The following MTUS2 variants were observed in gnomAD, a reference collection of about 807,000 sequenced individuals.
The protein encoded by MTUS2 is microtubule associated scaffold protein 2.
MTUS2 carries 40 observed loss-of-function variants against 114.1 expected under a neutral mutation model. That is an observed-to-expected ratio of 0.35 (90% CI 0.27 to 0.46). The LOEUF (loss-of-function observed/expected upper bound fraction) is 0.46, where lower values mean the gene tolerates loss of function less well. Ranked by LOEUF, MTUS2 falls within the 20% of genes least tolerant of loss-of-function variation. The probability of loss-of-function intolerance (pLI) is 1.00; values close to 1 mark genes in which losing one functional copy is unlikely to be tolerated. For missense variants in MTUS2, 1,679 were observed against 1,705.4 expected (o/e 0.98, Z 0.27); for synonymous variants, 688 against 672.0 (o/e 1.02, Z -0.37).
At chr13:29,435,814 G>C (rs1212900634) in intron 8 of MTUS2, among the ~76,000 whole-genome samples, 2 of 152,238 alleles carry the variant, frequency 1.3e-5, no homozygotes, top group Non-Finnish European at 2.9e-5. Context: ...TGGAGGAAGG[G>C]CTGTCGCCAA....
chr13:29,244,983 T>TAAAAAAAAAAAAAAAA (rs1156962360), intron 5 of MTUS2, among the ~76,000 whole-genome samples: 3 of 98,566 alleles, frequency 3.0e-5, no homozygotes, highest in South Asian at 3.8e-4. Flanking sequence ...AAAAAAAAAG[T>TAAAAAAAAAAAAAAAA]AAAAGTCTGT....
chr13:29,339,108 G>C (rs182171925), intron 7 of MTUS2, among the ~76,000 whole-genome samples: 2 of 152,270 alleles, frequency 1.3e-5, no homozygotes, highest in African/African-American at 4.8e-5. Flanking sequence ...AGAGGTACAT[G>C]GTCCTCCCGG....
chr13:28,970,053 T>G (rs1374389494), intron 2 of MTUS2, among the ~76,000 whole-genome samples: 1 of 152,216 alleles, frequency 6.6e-6, no homozygotes, highest in Non-Finnish European at 1.5e-5. Flanking sequence ...GTGCGGGGAT[T>G]ACAGGTGTGA....
At chr13:28,914,318 G>T (rs1393336736) in intron 2 of MTUS2, among the ~76,000 whole-genome samples, 1 of 152,210 alleles carries the variant, frequency 6.6e-6, no homozygotes, top group East Asian at 1.9e-4. Context: ...TAGTTTTGAA[G>T]AACTTCTTGA....
intron 2 of MTUS2, among the ~76,000 whole-genome samples, chr13:28,860,769 C>T (rs1045447726): frequency 1.4e-4 from 21 of 152,178 alleles, no homozygotes; most frequent in African/African-American, 1.7e-4. Context: ...TGTCAACTCT[C>T]CTCCTGTCAC....
At chr13:29,091,500 T>TC (rs1889947088) in intron 4 of MTUS2, among the ~76,000 whole-genome samples, 1 of 79,848 alleles carries the variant, frequency 1.3e-5, no homozygotes, top group Non-Finnish European at 3.3e-5. Context: ...TGTTTCTTTT[T>TC]CCTTTTTTTC....
intron 2 of MTUS2, among the ~76,000 whole-genome samples, chr13:28,968,888 AAGT>A (rs1226116949): frequency 1.3e-5 from 2 of 152,344 alleles, no homozygotes; most frequent in East Asian, 3.8e-4. Flanking sequence ...ATGTAAATAA[AAGT>A]AAATGTGAAG....
Position 29,503,073 on chromosome 13 carries a change from A to C in MTUS2, c.3977A>C (p.Asn1326Thr). ...GAGAAGAAGAGATTGAGCCGAACCA[A>C]TGAAGAGCTGCTTTGGAAGCTCCAA... Reference protein sequence around the residue: ...TQEKKRLSRTNEELLWKLQTG... With the variant: ...TQEKKRLSRTTEELLWKLQTG... The change falls in exon 16 of 16, where the codon AAT (asparagine) becomes ACT (threonine). Residue 1326 changes from asparagine to threonine, a missense_variant. Physicochemically the swap from Asn to Thr is moderately conservative, Grantham distance 65. Transcript: ENST00000612955. 1 of 1,614,254 alleles carries C rather than the reference A, an allele frequency of 6.2e-7. No individual in the cohort carries two copies. The highest frequency in any genetic ancestry group is 8.5e-7 in the Non-Finnish European group (1 of 1,180,044).
intron 8 of MTUS2, among the ~76,000 whole-genome samples, chr13:29,370,843 A>G (rs1871131790): frequency 6.6e-6 from 1 of 152,236 alleles, no homozygotes; most frequent in Admixed American, 6.5e-5. Flanking sequence ...AGAAACATAC[A>G]CCATGCTAAC....
intron 2 of MTUS2, among the ~76,000 whole-genome samples, chr13:28,953,835 G>A (rs1274966623): frequency 6.6e-6 from 1 of 152,070 alleles, no homozygotes; most frequent in Non-Finnish European, 1.5e-5. Context: ...CAAGTAAGAG[G>A]ACCAAATTAA....
At chr13:29,169,736 A>G (rs1893473815) in intron 5 of MTUS2, among the ~76,000 whole-genome samples, 1 of 152,208 alleles carries the variant, frequency 6.6e-6, no homozygotes, top group African/African-American at 2.4e-5. Flanking sequence ...TGAGCGCTTA[A>G]GGATTTTTCC....
chr13:29,307,121 G>A (rs1899506627), intron 6 of MTUS2: 7 of 475,562 alleles, frequency 1.5e-5, no homozygotes, highest in South Asian at 1.2e-4. Context: ...TTGCAGGGAG[G>A]AGCCAAAAGG....
In MTUS2 at chr13:29,503,993, A is replaced by G. The variant is rs1005810888; in HGVS notation, c.*787A>G. The G allele has an allele frequency of 2.3e-4, 53 of 230,278 alleles. No individual in the cohort carries two copies. The highest frequency in any genetic ancestry group is 2.8e-4 in the Admixed American group (5 of 17,720). 14.3% of individuals were successfully genotyped at this position (230,278 alleles called of 1,614,324 possible). On this transcript the variant is annotated 3_prime_UTR_variant, in exon 16 of 16. Coordinates refer to ENST00000612955, the MANE Select transcript of MTUS2 (RefSeq NM_001033602.4). ...CAGTTTTGCAGATGTTACCCATGAC[A>G]GTGACTCATCTCTGATAGTCTTGTA...
chr13:29,296,108 G>C (rs558823776), intron 6 of MTUS2, among the ~76,000 whole-genome samples: 1 of 152,324 alleles, frequency 6.6e-6, no homozygotes, highest in Admixed American at 6.5e-5. Flanking sequence ...TGGGAGTGCA[G>C]ATATCTCTTG....
chr13:28,821,332 T>C (rs1873885496), intron 1 of MTUS2, among the ~76,000 whole-genome samples: 1 of 152,286 alleles, frequency 6.6e-6, no homozygotes, highest in Middle Eastern at 3.4e-3. Flanking sequence ...CATTAAAAAA[T>C]TGGTTTTGTA....
intron 5 of MTUS2, among the ~76,000 whole-genome samples, chr13:29,250,765 T>G (rs1897096597): frequency 6.6e-6 from 1 of 152,176 alleles, no homozygotes; most frequent in Non-Finnish European, 1.5e-5. Context: ...TTTACAAATT[T>G]AACATTATGG....
chr13:29,482,498 C>G (rs1881268286), intron 10 of MTUS2: 1 of 152,216 alleles, frequency 6.6e-6, no homozygotes. Context: ...GTTCATGATC[C>G]TTTATGATAG....
intron 1 of MTUS2, among the ~76,000 whole-genome samples, chr13:28,825,928 G>T (rs1593224614): frequency 6.6e-6 from 1 of 152,276 alleles, no homozygotes; most frequent in East Asian, 1.9e-4. Context: ...TCTTCTCTGT[G>T]CCTGTCATGA....
chr13:29,203,274 G>A (rs770413783), intron 5 of MTUS2, among the ~76,000 whole-genome samples: 2 of 152,184 alleles, frequency 1.3e-5, no homozygotes, highest in African/African-American at 4.8e-5. Context: ...GGTGGGCTCC[G>A]CCCAGTTTGA....
Sources: allele counts gnomAD v4.1 joint callset (sites outside exome capture counted in the v4.1 genomes callset), GRCh38; gene constraint gnomAD v4.1.1; transcripts MANE v1.5; gene names NCBI Gene and HGNC (gene_info 2026-07-23, HGNC 2026-07-21).